The following ZNF480 variants were observed in gnomAD, a reference collection of about 807,000 sequenced individuals.
The protein encoded by ZNF480 is zinc finger protein 480.
A neutral mutation model predicts 14.4 loss-of-function variants in ZNF480; 15 were observed. The ratio of observed to expected loss-of-function variants is 1.04; its 90% CI spans 0.70 to 1.60. The LOEUF (loss-of-function observed/expected upper bound fraction) is 1.60, where lower values mean the gene tolerates loss of function less well. Among genes scored for constraint, ZNF480 ranks in the 40% most tolerant of loss-of-function variants. ZNF480 has a pLI of 0.00. For synonymous variants in ZNF480, 218 were observed against 215.5 expected (o/e 1.01, Z -0.10); for missense variants, 593 against 629.7 (o/e 0.94, Z 0.62).
At chr19:52,301,381 G>A (rs1982684529) in intron 2 of ZNF480, 2 of 152,086 alleles carry the variant, frequency 1.3e-5, no homozygotes. Flanking sequence ...CTTCAGTTTT[G>A]TAATATCTAA....
intron 4 of ZNF480, among the ~76,000 whole-genome samples, chr19:52,321,320 G>A (rs542840292): frequency 1.3e-5 from 2 of 152,150 alleles, no homozygotes; most frequent in South Asian, 2.1e-4. Context: ...TTCTCAGAAG[G>A]TTTCAATTCC....
Position 52,314,288 on chromosome 19 carries a change from C to A in ZNF480, c.199+9C>A. On this transcript the variant is annotated intron_variant, in intron 3 of 4. Coordinates refer to ENST00000595962, the MANE Select transcript of ZNF480 (RefSeq NM_144684.4). ...GAACCTGGTCTCCCTGGGTGAGGAT[C>A]ATGCCCCTGCAGAAGCCGGGATCTG... The A allele has an allele frequency of 6.6e-7, 1 of 1,526,312 alleles. No homozygotes were observed. The highest frequency in any genetic ancestry group is 8.8e-7 in the Non-Finnish European group (1 of 1,130,408). The allele number at this position is 1,526,312 out of a possible 1,614,324, so 94.5% of individuals were successfully genotyped here. A position where few individuals can be genotyped will look rare whatever the true frequency, so the allele number is the denominator to read the frequency against.
chr19:52,309,503 T>C (rs1349379426), intron 2 of ZNF480, among the ~76,000 whole-genome samples: 1 of 152,232 alleles, frequency 6.6e-6, no homozygotes, highest in Non-Finnish European at 1.5e-5. Context: ...CCTGGGGCCC[T>C]GTTACTTCAA....
At chr19:52,318,108 ATTATTTAT>A (rs138357236) in intron 4 of ZNF480, among the ~76,000 whole-genome samples, 1 of 150,366 alleles carries the variant, frequency 6.7e-6, no homozygotes, top group Non-Finnish European at 1.5e-5. Flanking sequence ...ATTTTAAATA[ATTATTTAT>A]TTATTTTTTG....
chr19:52,298,603 G>A (rs145585372), intron 1 of ZNF480, among the ~76,000 whole-genome samples: 1 of 151,598 alleles, frequency 6.6e-6, no homozygotes, highest in Non-Finnish European at 1.5e-5. Flanking sequence ...TGCACTCCAG[G>A]CTGGGCGACA....
intron 4 of ZNF480, 46 bp downstream of exon 4, chr19:52,316,008 CTTTT>C (rs568704933): frequency 4.8e-6 from 7 of 1,469,422 alleles, no homozygotes; most frequent in Non-Finnish European, 6.4e-6. Flanking sequence ...GTTGTTTGGG[CTTTT>C]TTTTTGTTTT....
chr19:52,325,725 A>C lies in ZNF480; in HGVS notation c.*2867A>C, dbSNP rs1984070334. The stretch of plus-strand genomic sequence containing the variant: ...AGTGGGAGCTAAACATTGATTACAC[A>C]TGGACTCAAAGAAGGGAACAGTAGA... On this transcript the variant is annotated 3_prime_UTR_variant, in exon 5 of 5. Coordinates refer to ENST00000595962, the MANE Select transcript of ZNF480 (RefSeq NM_144684.4). The C allele has an allele frequency of 6.6e-6, 1 of 152,226 alleles. No homozygotes were observed. Among genetic ancestry groups the C allele is most frequent in the Non-Finnish European group, 1.5e-5 (1 of 68,040 alleles). 9.4% of individuals were successfully genotyped at this position (152,226 alleles called of 1,614,324 possible).
At chr19:52,317,017 T>TTTG (rs1033416343) in intron 4 of ZNF480, among the ~76,000 whole-genome samples, 1 of 152,104 alleles carries the variant, frequency 6.6e-6, no homozygotes, top group African/African-American at 2.4e-5. Flanking sequence ...AACATGGGTT[T>TTTG]TTGTTGTTGT....
At chr19:52,309,636 T>C (rs1290999615) in intron 2 of ZNF480, among the ~76,000 whole-genome samples, 1 of 152,228 alleles carries the variant, frequency 6.6e-6, no homozygotes, top group Non-Finnish European at 1.5e-5. Context: ...TGGTATCCTC[T>C]GGATGATGGC....
In ZNF480 at chr19:52,315,814, A is replaced by ATTT; in HGVS notation, c.200-11_200-9dup. The ATTT allele has an allele frequency of 7.8e-7, 1 of 1,278,056 alleles. No homozygotes were observed. The highest frequency in any genetic ancestry group is 1.1e-6 in the Non-Finnish European group (1 of 931,546). The allele number at this position is 1,278,056 out of a possible 1,614,324, so 79.2% of individuals were successfully genotyped here. ...TTTGGAGATGCTACAGCACATTTTG[A>ATTT]TTTTTTTTTTTACAAACAGGAATCT... On this transcript the variant is annotated intron_variant, in intron 3 of 4. Coordinates refer to ENST00000595962, the MANE Select transcript of ZNF480 (RefSeq NM_144684.4).
intron 1 of ZNF480, among the ~76,000 whole-genome samples, chr19:52,299,150 G>A (rs944236869): frequency 1.3e-5 from 2 of 152,292 alleles, no homozygotes; most frequent in South Asian, 2.1e-4. Flanking sequence ...TCAGGTGTGG[G>A]TCACCCACTT....
intron 2 of ZNF480, among the ~76,000 whole-genome samples, chr19:52,309,872 T>C (rs777172626): frequency 1.5e-4 from 23 of 152,318 alleles, no homozygotes; most frequent in Non-Finnish European, 2.6e-4. Flanking sequence ...ATTACTCTTT[T>C]AGTAGAGTTG....
At position 52,310,929 on chromosome 19, in the gene ZNF480, C is replaced by T. The variant is rs576839346; in HGVS notation, c.73-3224C>T. Among the ~76,000 whole-genome samples, 212 of 146,490 alleles carry T rather than the reference C, an allele frequency of 1.4e-3. 1 individual carries two copies. Among genetic ancestry groups the T allele is most frequent in the African/African-American group, 5.2e-3 (204 of 39,536 alleles). Reference sequence around the variant, plus strand: ...CTGAGGCAGGAGAATGGCGTGAACCCGGGAGGCAGAGCTTACAGTGAGCCA... The same window carrying T: ...CTGAGGCAGGAGAATGGCGTGAACCTGGGAGGCAGAGCTTACAGTGAGCCA... On this transcript the variant is annotated intron_variant, in intron 2 of 4. Transcript: ENST00000595962.
intron 2 of ZNF480, chr19:52,301,750 G>A (rs1982701851): frequency 6.6e-6 from 1 of 151,976 alleles, no homozygotes; most frequent in South Asian, 2.1e-4. Context: ...AATTAAAGTG[G>A]CAATGAAACA....
At chr19:52,303,359 G>C (rs548405183) in intron 2 of ZNF480, among the ~76,000 whole-genome samples, 108 of 152,296 alleles carry the variant, frequency 7.1e-4, no homozygotes, top group Non-Finnish European at 1.4e-3. Context: ...CACGAAATCA[G>C]CTAAGTGGTT....
Position 52,322,715 on chromosome 19 carries a change from G to T in ZNF480, c.1465G>T (p.Gly489Cys), listed in dbSNP as rs1686164931. 3.1e-6 allele frequency: 5 copies of T among 1,613,630 alleles called. No homozygotes were observed. The South Asian group carries it at 5.5e-5, about 18-fold the overall frequency. Reference protein sequence around the residue: ...GERPYKCNECGKVFNRIAHLA... With the variant: ...GERPYKCNECCKVFNRIAHLA... ...AAGACCTTACAAATGTAATGAATGT[G>T]GCAAGGTCTTCAATCGAATTGCACA... is the stretch of plus-strand genomic sequence containing the variant. The change falls in exon 5 of 5, where the codon GGC becomes TGC. Residue 489 changes from glycine (G) to cysteine (C), a missense_variant. Gly to Cys is a radical substitution (Grantham distance 159). Transcript: ENST00000595962.
At chr19:52,316,030 C>A in intron 4 of ZNF480, 68 bp downstream of exon 4, 9 of 1,450,032 alleles carry the variant, frequency 6.2e-6, no homozygotes, top group South Asian at 1.6e-5. Context: ...TTTGTTTTGT[C>A]TAGTTTTGGT....
chr19:52,302,962 T>C (rs955685229), intron 2 of ZNF480, among the ~76,000 whole-genome samples: 3 of 152,158 alleles, frequency 2.0e-5, no homozygotes, highest in African/African-American at 7.2e-5. Flanking sequence ...ATATGAGTAA[T>C]GAAAAAGGGT....
chr19:52,303,779 G>A lies in ZNF480; in HGVS notation c.72+3295G>A, dbSNP rs7359849. Among the ~76,000 whole-genome samples the A allele has an allele frequency of 3.2e-3, 491 of 152,296 alleles. 8 individuals are homozygous for A. Among genetic ancestry groups the A allele is most frequent in the East Asian group, 0.028 (144 of 5,186 alleles). On this transcript the variant is annotated intron_variant, in intron 2 of 4. Transcript: ENST00000595962. Reference sequence around the variant, plus strand: ...AAATAGATTACTCATGTCATAGGTAGGAATGCCTAGAGCAGGTTGTATCCA... The same window carrying A: ...AAATAGATTACTCATGTCATAGGTAAGAATGCCTAGAGCAGGTTGTATCCA...
Sources: gnomAD v4.1 joint callset for allele counts (sites outside exome capture counted in the v4.1 genomes callset) on GRCh38, gnomAD v4.1.1 for gene constraint, MANE v1.5 for transcripts, NCBI Gene and HGNC (gene_info 2026-07-23, HGNC 2026-07-21) for gene names.